The following MDGA2 variants were observed in gnomAD, a reference collection of about 807,000 sequenced individuals.
MDGA2 encodes the protein MAM domain containing glycosylphosphatidylinositol anchor 2.
Under a neutral mutation model 117.8 loss-of-function variants are expected in MDGA2, and 40 were observed. The ratio of observed to expected loss-of-function variants is 0.34; its 90% confidence interval spans 0.26 to 0.44. The LOEUF is 0.44. MDGA2 is among the 20% of genes least tolerant of loss of function. The pLI is 1.00. For missense variants in MDGA2, 1,123 were observed against 1,250.6 expected (o/e 0.90, Z 1.54); for synonymous variants, 452 against 439.0 (o/e 1.03, Z -0.37).
intron 7 of MDGA2, among the ~76,000 whole-genome samples, chr14:47,039,469 T>C (rs937021468): frequency 4.6e-5 from 7 of 152,214 alleles, no homozygotes; most frequent in Non-Finnish European, 1.0e-4. Flanking sequence ...GTAGAAGTCA[T>C]CATTTTATCT....
intron 10 of MDGA2, among the ~76,000 whole-genome samples, chr14:46,886,966 C>T (rs1433670805): frequency 6.6e-6 from 1 of 151,956 alleles, no homozygotes; most frequent in Admixed American, 6.6e-5. Context: ...CAACCATCAG[C>T]AATTATGGTT....
chr14:47,528,340 T>G (rs1543410), intron 1 of MDGA2, among the ~76,000 whole-genome samples: 98,520 of 152,156 alleles, frequency 0.65, 32,662 homozygotes, highest in East Asian at 0.98. Context: ...CAAAACAAAC[T>G]CTGTTCTGCC....
At chr14:47,179,746 G>A (rs1333762169) in intron 3 of MDGA2, among the ~76,000 whole-genome samples, 1 of 152,014 alleles carries the variant, frequency 6.6e-6, no homozygotes, top group Non-Finnish European at 1.5e-5. Context: ...TTATCAAATT[G>A]AAATATTTCA....
chr14:47,269,646 T>G (rs1888082067), intron 2 of MDGA2, among the ~76,000 whole-genome samples: 1 of 152,188 alleles, frequency 6.6e-6, no homozygotes, highest in Non-Finnish European at 1.5e-5. Context: ...CAGTAAAGTA[T>G]ATGACAGACT....
At chr14:47,157,847 C>T (rs183090365) in intron 3 of MDGA2, among the ~76,000 whole-genome samples, 4 of 152,228 alleles carry the variant, frequency 2.6e-5, no homozygotes, top group African/African-American at 9.6e-5. Flanking sequence ...TCTTCTCCCT[C>T]CTGCTGCCCT....
At chr14:47,629,315 A>G (rs969436444) in intron 1 of MDGA2, among the ~76,000 whole-genome samples, 1 of 152,200 alleles carries the variant, frequency 6.6e-6, no homozygotes, top group Non-Finnish European at 1.5e-5. Context: ...AGCTGAGTGG[A>G]GGTTTACAGA....
chr14:47,183,049 G>C (rs1174490375), intron 3 of MDGA2, among the ~76,000 whole-genome samples: 1 of 152,076 alleles, frequency 6.6e-6, no homozygotes, highest in Non-Finnish European at 1.5e-5. Context: ...TGCTTGCTTA[G>C]ACACATACAT....
At chr14:47,259,359 T>C (rs1299503151) in intron 2 of MDGA2, among the ~76,000 whole-genome samples, 1 of 152,100 alleles carries the variant, frequency 6.6e-6, no homozygotes, top group Non-Finnish European at 1.5e-5. Flanking sequence ...TGTTTGAAGC[T>C]TGTACTTTAA....
At position 47,458,415 on chromosome 14, in the gene MDGA2, G is replaced by A. The variant is rs147847451; in HGVS notation, c.281-156865C>T. On this transcript the variant is annotated intron_variant, in intron 1 of 16. Coordinates refer to ENST00000399232, the MANE Select transcript of MDGA2 (RefSeq NM_001113498.3). Reference sequence around the variant, plus strand: ...CCTTCTGGAAGTTTTATTGTTTCAGGTCTTATGTTTAAGTCTTCAATCCAT... The same window carrying A: ...CCTTCTGGAAGTTTTATTGTTTCAGATCTTATGTTTAAGTCTTCAATCCAT... 6.8e-3 allele frequency among the ~76,000 whole-genome samples: 1,042 copies of A among 152,170 alleles called. 18 individuals carry two copies. Among genetic ancestry groups the A allele is most frequent in the African/African-American group, 0.024 (999 of 41,524 alleles).
chr14:47,009,331 TC>T (rs1887817812), intron 8 of MDGA2, among the ~76,000 whole-genome samples: 3 of 152,210 alleles, frequency 2.0e-5, no homozygotes, highest in Admixed American at 2.0e-4. Flanking sequence ...CTATAGTTTC[TC>T]CTAAGATAAC....
intron 1 of MDGA2, among the ~76,000 whole-genome samples, chr14:47,670,920 T>C (rs1401277217): frequency 6.6e-6 from 1 of 152,140 alleles, no homozygotes; most frequent in African/African-American, 2.4e-5. Flanking sequence ...TATTGCCAAA[T>C]ATATATGTCA....
chr14:47,343,234 TC>T (rs1376620539), intron 1 of MDGA2: 3 of 1,144,094 alleles, frequency 2.6e-6, no homozygotes, highest in African/African-American at 1.6e-5. Flanking sequence ...TTTGTTTTTT[TC>T]AGGAACGATT....
At chr14:47,160,404 A>ACAG (rs1883584053) in intron 3 of MDGA2, among the ~76,000 whole-genome samples, 1 of 152,156 alleles carries the variant, frequency 6.6e-6, no homozygotes, top group Admixed American at 6.5e-5. Flanking sequence ...AACAACAACA[A>ACAG]CAAAAAAGCA....
chr14:47,172,910 AGAC>A (rs1305237476), intron 3 of MDGA2, among the ~76,000 whole-genome samples: 1 of 152,186 alleles, frequency 6.6e-6, no homozygotes, highest in African/African-American at 2.4e-5. Flanking sequence ...AAAAAAATTT[AGAC>A]GAATGGATAA....
At chr14:47,529,935 A>C (rs1299857491) in intron 1 of MDGA2, among the ~76,000 whole-genome samples, 1 of 152,226 alleles carries the variant, frequency 6.6e-6, no homozygotes, top group East Asian at 1.9e-4. Flanking sequence ...AACTACTGCT[A>C]CGGAATAAAA....
intron 1 of MDGA2, among the ~76,000 whole-genome samples, chr14:47,311,881 C>T (rs1041042761): frequency 6.6e-6 from 1 of 152,076 alleles, no homozygotes; most frequent in African/African-American, 2.4e-5. Context: ...TACCCTGCTG[C>T]ATTCCCATTT....
At chr14:47,310,339 T>C (rs1440484401) in intron 1 of MDGA2, among the ~76,000 whole-genome samples, 1 of 152,152 alleles carries the variant, frequency 6.6e-6, no homozygotes, top group South Asian at 2.1e-4. Context: ...CCATCAAGTC[T>C]AGGCAGTCAC....
chr14:46,847,000 G>A (rs1442326190), intron 15 of MDGA2, among the ~76,000 whole-genome samples: 2 of 152,008 alleles, frequency 1.3e-5, no homozygotes, highest in Non-Finnish European at 2.9e-5. Flanking sequence ...GCAAATCAGA[G>A]TCATCTCTGA....
intron 10 of MDGA2, among the ~76,000 whole-genome samples, chr14:46,898,345 T>C (rs957342530): frequency 3.3e-5 from 5 of 151,906 alleles, no homozygotes; most frequent in African/African-American, 1.2e-4. Flanking sequence ...AAAATAAAAT[T>C]GGTAGAAATT....
Sources: gnomAD v4.1 joint callset for allele counts (sites outside exome capture counted in the v4.1 genomes callset) on GRCh38, gnomAD v4.1.1 for gene constraint, MANE v1.5 for transcripts, NCBI Gene and HGNC (gene_info 2026-07-23, HGNC 2026-07-21) for gene names.